TIAM1: variants seen among roughly 807,000 people sequenced by gnomAD.
TIAM1 encodes the protein TIAM Rac1 associated GEF 1.
Under a neutral mutation model 163.5 loss-of-function variants are expected in TIAM1, and 65 were observed. The ratio of observed to expected loss-of-function variants is 0.40; its 90% confidence interval spans 0.33 to 0.49. TIAM1 has a LOEUF of 0.49. Ranked by LOEUF, TIAM1 falls within the 20% of genes least tolerant of loss-of-function variation. TIAM1 has a pLI of 0.77. For missense variants in TIAM1, 1,789 were observed against 2,044.7 expected (o/e 0.87, Z 2.41); for synonymous variants, 833 against 810.1 (o/e 1.03, Z -0.48).
intron 2 of TIAM1, among the ~76,000 whole-genome samples, chr21:31,396,759 G>A (rs1345968750): frequency 6.6e-6 from 1 of 151,856 alleles, no homozygotes; most frequent in African/African-American, 2.4e-5. Flanking sequence ...AGACCAGCCT[G>A]GCTTCACATG....
At chr21:31,280,341 G>A (rs845973) in intron 2 of TIAM1, among the ~76,000 whole-genome samples, 13,838 of 152,204 alleles carry the variant, frequency 0.091, 740 homozygotes, top group Middle Eastern at 0.16. Context: ...TTAAAAAGAG[G>A]AGTTTCCCTG....
chr21:31,455,402 ATAATT>A (rs2045056858), intron 2 of TIAM1, among the ~76,000 whole-genome samples: 1 of 148,594 alleles, frequency 6.7e-6, no homozygotes, highest in African/African-American at 2.5e-5. Flanking sequence ...GAGTATCAAA[ATAATT>A]TAATTTTAAT....
intron 1 of TIAM1, among the ~76,000 whole-genome samples, chr21:31,539,016 T>C (rs1048009637): frequency 6.6e-6 from 1 of 152,138 alleles, no homozygotes. Context: ...CTCTCAGAGC[T>C]GGACAGCTGG....
chr21:31,522,610 T>C (rs2147498983), intron 1 of TIAM1, among the ~76,000 whole-genome samples: 1 of 152,296 alleles, frequency 6.6e-6, no homozygotes, highest in South Asian at 2.1e-4. Flanking sequence ...GGAGCCCTTG[T>C]TCCTGGGCTG....
At chr21:31,388,212 A>AAC (rs11369323) in intron 2 of TIAM1, among the ~76,000 whole-genome samples, 8,776 of 115,804 alleles carry the variant, frequency 0.076, 336 homozygotes, top group African/African-American at 0.11. Flanking sequence ...AGAAGACCCT[A>AAC]ACACACACAC....
chr21:31,366,849 C>T (rs967052846), intron 2 of TIAM1, among the ~76,000 whole-genome samples: 1 of 152,200 alleles, frequency 6.6e-6, no homozygotes, highest in African/African-American at 2.4e-5. Context: ...AACTCTTAAC[C>T]TCATGTGATC....
chr21:31,152,383 A>G (rs2083418085), intron 19 of TIAM1, among the ~76,000 whole-genome samples: 1 of 152,196 alleles, frequency 6.6e-6, no homozygotes, highest in African/African-American at 2.4e-5. Flanking sequence ...AGGCCCCCAC[A>G]TAAACCAAAC....
At position 31,495,032 on chromosome 21, in the gene TIAM1, G is replaced by A. The variant is rs550751075; in HGVS notation, c.-421-30997C>T. ...CATGTTGCCAAAATACTCTAAAATA[G>A]GTCAGGGAAAAAACAGTGTGTGTAT... On this transcript the variant is annotated intron_variant, in intron 1 of 28. Transcript: ENST00000286827. 9.2e-5 allele frequency among the ~76,000 whole-genome samples: 14 copies of A among 152,278 alleles called. No homozygotes were observed. The South Asian group carries it at 1.2e-3, about 14-fold the overall frequency.
At chr21:31,176,640 A>G (rs1485035020) in intron 15 of TIAM1, among the ~76,000 whole-genome samples, 1 of 152,240 alleles carries the variant, frequency 6.6e-6, no homozygotes, top group East Asian at 1.9e-4. Context: ...CTACAGGACC[A>G]CCTAACAAAT....
intron 5 of TIAM1, among the ~76,000 whole-genome samples, chr21:31,249,185 C>T (rs1033197240): frequency 2.0e-5 from 3 of 152,038 alleles, no homozygotes; most frequent in Non-Finnish European, 4.4e-5. Flanking sequence ...TATGAGGTCA[C>T]GTGGGTGGTC....
At chr21:31,177,588 CAG>C (rs754337418) in intron 15 of TIAM1, among the ~76,000 whole-genome samples, 7 of 152,110 alleles carry the variant, frequency 4.6e-5, no homozygotes, top group Non-Finnish European at 5.9e-5. Context: ...GGCTGGGTGA[CAG>C]AGTGAGACTC....
intron 22 of TIAM1, among the ~76,000 whole-genome samples, chr21:31,136,358 G>A (rs1373073064): frequency 1.3e-5 from 2 of 152,098 alleles, no homozygotes; most frequent in East Asian, 3.8e-4. Flanking sequence ...ATTTGTGACT[G>A]TCTCAATAAA....
rs770099770 is a variant in TIAM1, at chr21:31,252,039, T to C, written c.1114A>G (p.Ser372Gly). The C allele has an allele frequency of 2.5e-6, 4 of 1,613,998 alleles. No homozygotes were observed. In the African/African-American group the frequency reaches 5.3e-5, roughly 22 times the overall value. ...GRAFVGSDSG[S>G]SSTGDAARQG... ...CGAGCCGCATCCCCGGTGGAGCTGC[T>C]GCCGCTGTCGCTGCCCACAAAGGCC... The change falls in exon 5 of 28, where the codon AGC becomes GGC. Residue 372 changes from serine to glycine, a missense_variant. Around this residue, in one of 5 missense-constraint regions of TIAM1, gnomAD observed 555 missense variants for 564.9 expected, o/e 0.98. Transcript: ENST00000541036.
intron 4 of TIAM1, among the ~76,000 whole-genome samples, chr21:31,261,888 G>T (rs1211204848): frequency 6.6e-6 from 1 of 152,116 alleles, no homozygotes; most frequent in African/African-American, 2.4e-5. Context: ...GTCTCCTGAG[G>T]CTGAGGTTCC....
chr21:31,362,580 C>A, intron 2 of TIAM1, among the ~76,000 whole-genome samples: 1 of 151,906 alleles, frequency 6.6e-6, no homozygotes, highest in East Asian at 1.9e-4. Flanking sequence ...GATTCTCCTG[C>A]CTCAGCCTCC....
intron 12 of TIAM1, 117 bp from the exon 13 acceptor site, chr21:31,195,422 C>A: frequency 8.8e-6 from 6 of 685,592 alleles, no homozygotes; most frequent in East Asian, 2.9e-5. Flanking sequence ...TTGCACTTCA[C>A]AATCTTATCA....
At chr21:31,223,742 G>T in intron 7 of TIAM1, 151 bp from the exon 8 acceptor site, 1 of 748,920 alleles carries the variant, frequency 1.3e-6, no homozygotes, top group Non-Finnish European at 1.9e-6. Context: ...AGTTACTTAT[G>T]TTTCTTCTGC....
chr21:31,168,630 A>G (rs1463593984), intron 15 of TIAM1, among the ~76,000 whole-genome samples: 1 of 152,080 alleles, frequency 6.6e-6, no homozygotes, highest in Admixed American at 6.6e-5. Flanking sequence ...TCGATCTCCT[A>G]ACCTCGTGAT....
chr21:31,400,426 G>A (rs535117864), intron 2 of TIAM1, among the ~76,000 whole-genome samples: 46 of 152,184 alleles, frequency 3.0e-4, no homozygotes, highest in African/African-American at 1.1e-3. Flanking sequence ...CACCGCACCC[G>A]GCCAGACACC....
Sources: gnomAD v4.1 joint callset for allele counts (sites outside exome capture counted in the v4.1 genomes callset) on GRCh38, gnomAD v4.1.1 for gene constraint, gnomAD v4.1.1 regional missense constraint, MANE v1.5 for transcripts, NCBI Gene and HGNC (gene_info 2026-07-23, HGNC 2026-07-21) for gene names.